Variants in PHACTR2 observed in about 807,000 individuals in gnomAD.
PHACTR2 encodes chromosome 6 open reading frame 56.
PHACTR2 carries 30 observed loss-of-function variants against 76.0 expected under a neutral mutation model. The ratio of observed to expected loss-of-function variants is 0.39; its 90% CI spans 0.30 to 0.54. The LOEUF is 0.54. Among genes scored for constraint, PHACTR2 ranks in the 20% least tolerant of loss-of-function variants. PHACTR2 has a pLI of 0.61. For missense variants in PHACTR2, 696 were observed against 781.1 expected (o/e 0.89, Z 1.30); for synonymous variants, 292 against 292.5 (o/e 1.00, Z 0.02).
In PHACTR2 at chr6:143,818,149, A is replaced by T. The variant is rs6939405; in HGVS notation, c.1923-5525A>T. On this transcript the variant is annotated intron_variant, in intron 12 of 12. Coordinates refer to ENST00000440869, the MANE Select transcript of PHACTR2 (RefSeq NM_001100164.2). The surrounding 1 kb of genome is among the most constrained non-coding windows in gnomAD (Gnocchi z 4.9). ...AATATAATAAAATAATCAATAAAAA[A>T]TTTAAATAAAATTTGATTAAAATGG... Among the ~76,000 whole-genome samples the T allele has an allele frequency of 0.43, 64,838 of 152,022 alleles. 13,979 individuals are homozygous for T. Among genetic ancestry groups the T allele is most frequent in the Admixed American group, 0.54 (8,185 of 15,274 alleles).
intron 1 of PHACTR2, among the ~76,000 whole-genome samples, chr6:143,579,261 TA>T (rs1775547514): frequency 6.6e-6 from 1 of 152,164 alleles, no homozygotes; most frequent in South Asian, 2.1e-4. Context: ...GGGAAAGGTG[TA>T]CTGGGGGTTG....
intron 1 of PHACTR2, among the ~76,000 whole-genome samples, chr6:143,704,423 T>C (rs1375732230): frequency 6.6e-6 from 1 of 152,176 alleles, no homozygotes; most frequent in East Asian, 1.9e-4. Context: ...TCTTTACTGT[T>C]GGTAAAAGAC....
chr6:143,726,577 G>A (rs1236466193), intron 2 of PHACTR2, among the ~76,000 whole-genome samples: 1 of 152,104 alleles, frequency 6.6e-6, no homozygotes, highest in Non-Finnish European at 1.5e-5. Context: ...TTTCCTCCAT[G>A]CTGTAGCATG....
rs564957475 is a variant in PHACTR2, at chr6:143,541,168, A to G, written c.217+3961A>G. Among the ~76,000 whole-genome samples the G allele has an allele frequency of 6.6e-6, 1 of 152,376 alleles. No individual in the cohort carries two copies. The highest frequency in any genetic ancestry group is 1.5e-5 in the Non-Finnish European group (1 of 68,042). On this transcript the variant is annotated intron_variant, in intron 1 of 11. Coordinates refer to the PHACTR2 transcript ENST00000367584. The surrounding 1 kb of genome is among the most constrained non-coding windows in gnomAD (Gnocchi z 5.3). ...ATTTTTAAAGTAAAATCTTGAAACA[A>G]GGTTCTCATAGTATATGGTCATGTA... is the stretch of plus-strand genomic sequence containing the variant.
At chr6:143,577,425 G>A (rs938654703) in intron 1 of PHACTR2, among the ~76,000 whole-genome samples, 2 of 152,170 alleles carry the variant, frequency 1.3e-5, no homozygotes, top group Admixed American at 6.5e-5. Context: ...GGTCAGGAGA[G>A]GCTTTGTGAG....
chr6:143,669,486 A>G (rs951016608), intron 1 of PHACTR2, among the ~76,000 whole-genome samples: 1 of 152,150 alleles, frequency 6.6e-6, no homozygotes, highest in African/African-American at 2.4e-5. Context: ...AAAGTCTCCC[A>G]CTATTATTGC....
At chr6:143,552,916 A>G (rs1039347392) in intron 1 of PHACTR2, among the ~76,000 whole-genome samples, 1 of 151,442 alleles carries the variant, frequency 6.6e-6, no homozygotes, top group Non-Finnish European at 1.5e-5. Flanking sequence ...AAAGCAAAAA[A>G]CTAACCAACC....
Position 143,772,220 on chromosome 6 carries a change from A to G in PHACTR2, c.1233-38A>G. On this transcript the variant is annotated intron_variant, in intron 6 of 12. Transcript: ENST00000440869. The surrounding 1 kb of genome is among the most constrained non-coding windows in gnomAD (Gnocchi z 5.4). ...GTCAGTGCCGCCAAGGGTTGCTCTG[A>G]GCTTCACATCACTCCCATGCTTTTC... 3 of 1,491,028 alleles carry G rather than the reference A, an allele frequency of 2.0e-6. No homozygotes were observed. The highest frequency in any genetic ancestry group is 2.8e-6 in the Non-Finnish European group (3 of 1,068,352). The allele number at this position is 1,491,028 out of a possible 1,614,324, so 92.4% of individuals were successfully genotyped here. A position where few individuals can be genotyped will look rare whatever the true frequency, so the allele number is the denominator to read the frequency against.
rs563556097 is a variant in PHACTR2 at position 143,738,762 on chromosome 6, A to AAAAG, written c.215-10203_215-10200dup. Among the ~76,000 whole-genome samples the AAAAG allele has an allele frequency of 1.0e-3, 156 of 152,236 alleles. 1 individual carries two copies. The highest frequency in any genetic ancestry group is 8.5e-3 in the South Asian group (41 of 4,818). ...TAGAGCAGGACCTTGTCTCAAAAAAAAAAGAAAGAAAGAAAGAAAGAAAAT... is the reference window on the plus strand; with the variant it reads ...TAGAGCAGGACCTTGTCTCAAAAAAAAAAGAAAGAAAGAAAGAAAGAAAGAAAAT... On this transcript the variant is annotated intron_variant, in intron 2 of 12. Coordinates refer to ENST00000440869, the MANE Select transcript of PHACTR2 (RefSeq NM_001100164.2). The surrounding 1 kb of genome is among the most constrained non-coding windows in gnomAD (Gnocchi z 4.0).
At chr6:143,802,759 C>A (rs1488454386) in intron 11 of PHACTR2, among the ~76,000 whole-genome samples, 3 of 151,012 alleles carry the variant, frequency 2.0e-5, no homozygotes, top group Non-Finnish European at 2.9e-5. Context: ...ATGTATTTGT[C>A]TAAAGTGTCT....
chr6:143,640,126 T>C (rs947755962), intron 1 of PHACTR2, among the ~76,000 whole-genome samples: 2 of 152,224 alleles, frequency 1.3e-5, no homozygotes, highest in African/African-American at 4.8e-5. Context: ...GATGCTGGTG[T>C]AAACAAACCT....
chr6:143,668,483 G>A (rs958475661), intron 1 of PHACTR2, among the ~76,000 whole-genome samples: 41 of 152,026 alleles, frequency 2.7e-4, no homozygotes, highest in African/African-American at 9.2e-4. Context: ...GGTAGAATTC[G>A]GCTCTGAATC....
At position 143,610,682 on chromosome 6, in the gene PHACTR2, T is replaced by C. The variant is rs1431996115; in HGVS notation, c.13+2360T>C. Among the ~76,000 whole-genome samples the C allele has an allele frequency of 6.6e-6, 1 of 152,208 alleles. No homozygotes were observed. The highest frequency in any genetic ancestry group is 1.5e-5 in the Non-Finnish European group (1 of 68,034). On this transcript the variant is annotated intron_variant, in intron 1 of 11. Transcript: ENST00000305766. This position sits in a 1 kb window ranked among gnomAD's most constrained non-coding sequence, Gnocchi z 4.9. ...GACTCCGGCCCTTTTGGTGGGTGTG[T>C]GTACATTTCAGCTATCATGGCATTG...
chr6:143,808,150 G>A (rs1287664528), intron 12 of PHACTR2, among the ~76,000 whole-genome samples: 1 of 135,506 alleles, frequency 7.4e-6, no homozygotes, highest in East Asian at 2.1e-4. Context: ...TTTTTTTTGA[G>A]ACAGAGTCTT....
intron 1 of PHACTR2, among the ~76,000 whole-genome samples, chr6:143,699,274 T>C (rs113001645): frequency 0.025 from 3,832 of 152,276 alleles, 63 homozygotes; most frequent in South Asian, 0.054. Flanking sequence ...CTGCAGCCCT[T>C]CTTCTTTCTT....
At position 143,549,395 on chromosome 6, in the gene PHACTR2, C is replaced by T. The variant is rs1268825413; in HGVS notation, c.217+12188C>T. ...TGGCTTAATCTGATGAAACATTTCT[C>T]AGCAAGGGTTTAGAGTTTGCATGAG... On this transcript the variant is annotated intron_variant, in intron 1 of 11. Coordinates refer to the PHACTR2 transcript ENST00000367584. The surrounding 1 kb of genome is among the most constrained non-coding windows in gnomAD (Gnocchi z 4.2). Among the ~76,000 whole-genome samples, 1 of 152,076 alleles carries T rather than the reference C, an allele frequency of 6.6e-6. No homozygotes were observed. Among genetic ancestry groups the T allele is most frequent in the Non-Finnish European group, 1.5e-5 (1 of 67,978 alleles).
At position 143,787,026 on chromosome 6, in the gene PHACTR2, A is replaced by G. The variant is rs1487424942; in HGVS notation, c.1708-1747A>G. Among the ~76,000 whole-genome samples, 5 of 152,110 alleles carry G rather than the reference A, an allele frequency of 3.3e-5. No homozygotes were observed. The highest frequency in any genetic ancestry group is 3.3e-4 in the Admixed American group (5 of 15,272). The stretch of plus-strand genomic sequence containing the variant: ...ATGGCCCTTAAGTTACCATCTGTAG[A>G]CAATCAATCACCCCCTCCTTATTGC... On this transcript the variant is annotated intron_variant, in intron 10 of 12. Transcript: ENST00000440869. The surrounding 1 kb of genome is among the most constrained non-coding windows in gnomAD (Gnocchi z 4.6).
chr6:143,731,280 G>GTTGTT lies in PHACTR2; in HGVS notation c.215-17687_215-17683dup, dbSNP rs55767419. 0.29 allele frequency among the ~76,000 whole-genome samples: 43,297 copies of GTTGTT among 151,300 alleles called. 6,626 individuals are homozygous for GTTGTT. Among genetic ancestry groups the GTTGTT allele is most frequent in the Middle Eastern group, 0.36 (103 of 290 alleles). On this transcript the variant is annotated intron_variant, in intron 2 of 12. Transcript: ENST00000440869. The surrounding 1 kb of genome is among the most constrained non-coding windows in gnomAD (Gnocchi z 4.9). ...GCATCCTTAGGATAAGTCCCACTGT[G>GTTGTT]TTGTTTTGTTTTGTTTTGTTTTTTG...
chr6:143,671,152 A>G lies in PHACTR2; in HGVS notation c.14-40864A>G, dbSNP rs976484432. 6.6e-6 allele frequency among the ~76,000 whole-genome samples: 1 copy of G among 151,254 alleles called. No homozygotes were observed. Among genetic ancestry groups the G allele is most frequent in the Non-Finnish European group, 1.5e-5 (1 of 67,808 alleles). ...ACCACGTTGGTCAGGCTGGTCTTGA[A>G]CTCCTGACATCATGATCCGCCTGCC... is the stretch of plus-strand genomic sequence containing the variant. On this transcript the variant is annotated intron_variant, in intron 1 of 11. Transcript: ENST00000305766. This position sits in a 1 kb window ranked among gnomAD's most constrained non-coding sequence, Gnocchi z 4.6.
Sources: allele counts gnomAD v4.1 joint callset (sites outside exome capture counted in the v4.1 genomes callset), GRCh38; gene constraint gnomAD v4.1.1; non-coding constraint Gnocchi (gnomAD v3.1); transcripts MANE v1.5; gene names NCBI Gene and HGNC (gene_info 2026-07-23, HGNC 2026-07-21).